The following ING3 variants were observed in gnomAD, a reference collection of about 807,000 sequenced individuals.
The protein encoded by ING3 is inhibitor of growth protein 3.
ING3 carries 6 observed loss-of-function variants against 64.8 expected under a neutral mutation model. The ratio of observed to expected loss-of-function variants is 0.09; its 90% confidence interval spans 0.05 to 0.18. The LOEUF (loss-of-function observed/expected upper bound fraction) is 0.18. Ranked by LOEUF, ING3 falls within the 10% of genes least tolerant of loss-of-function variation. The probability of loss-of-function intolerance (pLI) is 1.00; values close to 1 mark genes in which losing one functional copy is unlikely to be tolerated. For missense variants in ING3, 310 were observed against 489.7 expected, an observed-to-expected ratio of 0.63 and a Z score of 3.46; for synonymous variants, 170 against 173.7, an observed-to-expected ratio of 0.98 and a Z score of 0.17.
intron 4 of ING3, among the ~76,000 whole-genome samples, chr7:120,963,255 T>C (rs114390013): frequency 1.3e-5 from 2 of 152,268 alleles, no homozygotes; most frequent in African/African-American, 2.4e-5. Context: ...TGTGATGTTA[T>C]AGGTTTTTAA....
At chr7:120,958,558 C>T (rs1795885066) in intron 4 of ING3, among the ~76,000 whole-genome samples, 1 of 152,242 alleles carries the variant, frequency 6.6e-6, no homozygotes, top group Admixed American at 6.5e-5. Context: ...TACACTTCCT[C>T]CTATTTTATC....
chr7:120,961,241 T>A (rs1002258918), intron 4 of ING3, among the ~76,000 whole-genome samples: 13 of 152,212 alleles, frequency 8.5e-5, no homozygotes, highest in Admixed American at 6.5e-4. Flanking sequence ...TAAATCTAAT[T>A]TAGAGATATA....
Position 120,967,070 on chromosome 7 carries a change from C to T in ING3, c.436+373C>T, listed in dbSNP as rs139492079. ...TTTGTCTTTTTCATCCTTGCTTCTC[C>T]AGTGCTTAACCTAATGTTTGGCATA... On this transcript the variant is annotated intron_variant, in intron 6 of 11. Transcript: ENST00000315870. 2.4e-3 allele frequency among the ~76,000 whole-genome samples: 370 copies of T among 152,272 alleles called. 3 individuals carry two copies. Among genetic ancestry groups the T allele is most frequent in the Middle Eastern group, 6.8e-3 (2 of 294 alleles).
chr7:120,973,084 T>A, intron 10 of ING3, 121 bp from the exon 11 acceptor site: 2 of 422,168 alleles, frequency 4.7e-6, no homozygotes, highest in East Asian at 7.1e-5. Flanking sequence ...TGATTCTCAA[T>A]GTAATTGTAT....
At position 120,964,767 on chromosome 7, in the gene ING3, A is replaced by T; in HGVS notation, c.293A>T (p.Asp98Val). ...GTAGATCGACACTTGAGAAAGCTGG[A>T]TCAGGAACTGGCTAAGTTTAAAATG... is the stretch of plus-strand genomic sequence containing the variant. ...DLVDRHLRKL[D>V]QELAKFKMEL... is the part of the protein sequence containing the mutation. Residue 98 changes from aspartate (D) to valine (V), a missense_variant, in exon 5 of 12, where the codon GAT becomes GTT. Transcript: ENST00000315870. 6.2e-7 allele frequency: 1 copy of T among 1,613,746 alleles called. No homozygotes were observed. Among genetic ancestry groups the T allele is most frequent in the South Asian group, 1.1e-5 (1 of 91,074 alleles).
Position 120,967,643 on chromosome 7 carries a change from C to T in ING3, c.551C>T (p.Thr184Ile). 6.3e-7 allele frequency: 1 copy of T among 1,583,874 alleles called. No homozygotes were observed. The highest frequency in any genetic ancestry group is 8.5e-7 in the Non-Finnish European group (1 of 1,170,354). Reference protein sequence around the residue: ...TLTSDASKENTLGCRNNNSTA... With the variant: ...TLTSDASKENILGCRNNNSTA... ...ACGTCAGATGCCTCTAAGGAAAATA[C>T]ACTAGGTAAGTTAATTTTCTTAAAT... is the stretch of plus-strand genomic sequence containing the variant. The change falls in exon 7 of 12, where the codon ACA becomes ATA. Residue 184 changes from threonine (T) to isoleucine (I), a missense_variant. Around this residue, in one of 3 missense-constraint regions of ING3, gnomAD observed 233 missense variants for 289.4 expected, o/e 0.81. Transcript: ENST00000315870.
chr7:120,953,600 A>G (rs1372027531), intron 3 of ING3, among the ~76,000 whole-genome samples, 196 bp downstream of exon 3: 1 of 152,170 alleles, frequency 6.6e-6, no homozygotes, highest in Non-Finnish European at 1.5e-5. Context: ...AATTAAAAAT[A>G]TTGTTTCAAT....
chr7:120,970,612 T>A (rs949575820), intron 9 of ING3, 76 bp from the exon 10 acceptor site: 2 of 1,404,882 alleles, frequency 1.4e-6, no homozygotes, highest in Non-Finnish European at 2.0e-6. Flanking sequence ...CATTTCATTT[T>A]ATACTATTTA....
At position 120,959,836 on chromosome 7, in the gene ING3, G is replaced by A. The variant is rs890421941; in HGVS notation, c.267+4212G>A. 3.3e-5 allele frequency among the ~76,000 whole-genome samples: 5 copies of A among 151,228 alleles called. No homozygotes were observed. In the South Asian group the frequency reaches 8.4e-4, roughly 26 times the overall value. The stretch of plus-strand genomic sequence containing the variant: ...AATTTTTTGTATTTTTAGTAGAGAC[G>A]GGGTTTCACCGTGTTAGCCAGGATG... On this transcript the variant is annotated intron_variant, in intron 4 of 11. Coordinates refer to ENST00000315870, the MANE Select transcript of ING3 (RefSeq NM_019071.3).
rs762850940 is a variant in ING3, at chr7:120,951,148, A to T, written c.29-16A>T. On this transcript the variant is annotated splice_polypyrimidine_tract_variant and intron_variant, in intron 1 of 11. Coordinates refer to ENST00000315870, the MANE Select transcript of ING3 (RefSeq NM_019071.3). ...GCCGTTGGCCCCGCCCCTCTGACGG[A>T]CTCTCCCTTTGACAGTGATTGAGCA... The T allele has an allele frequency of 6.2e-7, 1 of 1,613,174 alleles. No individual in the cohort carries two copies. Among genetic ancestry groups the T allele is most frequent in the Non-Finnish European group, 8.5e-7 (1 of 1,179,666 alleles).
intron 4 of ING3, chr7:120,955,935 G>A: frequency 1.7e-6 from 1 of 577,960 alleles, no homozygotes; most frequent in Admixed American, 3.3e-5. Context: ...TCTTCTTAAG[G>A]TAGTGTGTTT....
chr7:120,958,191 C>G (rs1795879798), intron 4 of ING3, among the ~76,000 whole-genome samples: 1 of 151,818 alleles, frequency 6.6e-6, no homozygotes, highest in Non-Finnish European at 1.5e-5. Context: ...TTGCTCTACC[C>G]TCTTCCTTTT....
At chr7:120,970,632 T>A in intron 9 of ING3, 56 bp from the exon 10 acceptor site, 1 of 1,547,350 alleles carries the variant, frequency 6.5e-7, no homozygotes, top group Non-Finnish European at 8.9e-7. Flanking sequence ...ATTTAGGAGT[T>A]ATTCTCAGTT....
chr7:120,955,335 G>T (rs1261971161), intron 3 of ING3, among the ~76,000 whole-genome samples: 1 of 152,050 alleles, frequency 6.6e-6, no homozygotes, highest in Non-Finnish European at 1.5e-5. Context: ...TGTCATGTTG[G>T]CCAGGCTGGT....
chr7:120,950,953 C>G (rs1330139009), intron 1 of ING3, 29 bp downstream of exon 1: 65 of 1,612,056 alleles, frequency 4.0e-5, no homozygotes, highest in Non-Finnish European at 5.5e-5. Context: ...CGGCGGCCGC[C>G]AGTGGGACGT....
chr7:120,971,689 A>C (rs138512252), intron 10 of ING3, among the ~76,000 whole-genome samples: 27 of 152,160 alleles, frequency 1.8e-4, no homozygotes, highest in Non-Finnish European at 3.1e-4. Context: ...ACCAATACCT[A>C]GCTATAGATT....
intron 4 of ING3, among the ~76,000 whole-genome samples, chr7:120,963,808 C>T (rs1006381904): frequency 6.6e-6 from 1 of 152,032 alleles, no homozygotes; most frequent in African/African-American, 2.4e-5. Context: ...TAAAATGTTG[C>T]CCTGGTAGAG....
Position 120,974,879 on chromosome 7 carries a change from C to A in ING3, c.*35C>A. ...TTTTGTTTGATGAAGAAATAAACTT[C>A]AGCTGAAGATTTTATATAGGACTTT... On this transcript the variant is annotated 3_prime_UTR_variant, in exon 12 of 12. Coordinates refer to ENST00000315870, the MANE Select transcript of ING3 (RefSeq NM_019071.3). 2.8e-6 allele frequency: 4 copies of A among 1,440,088 alleles called. No individual in the cohort carries two copies. The highest frequency in any genetic ancestry group is 3.9e-6 in the Non-Finnish European group (4 of 1,035,928). 89.2% of individuals were successfully genotyped at this position (1,440,088 alleles called of 1,614,324 possible).
chr7:120,952,333 TA>T (rs1409860576), intron 2 of ING3, among the ~76,000 whole-genome samples: 10 of 152,222 alleles, frequency 6.6e-5, no homozygotes, highest in African/African-American at 2.4e-5. Context: ...ACATTGTCTA[TA>T]AAAAGAGAAT....
Sources: gnomAD v4.1 joint callset for allele counts (sites outside exome capture counted in the v4.1 genomes callset) on GRCh38, gnomAD v4.1.1 for gene constraint, gnomAD v4.1.1 regional missense constraint, MANE v1.5 for transcripts, NCBI Gene and HGNC (gene_info 2026-07-23, HGNC 2026-07-21) for gene names.